PALM2AKAP2: variants seen among roughly 807,000 people sequenced by gnomAD.
PALM2AKAP2 encodes PALM2 and AKAP2 fusion, also known as PALM2-AKAP2 fusion protein.
A neutral mutation model predicts 71.5 loss-of-function variants in PALM2AKAP2; 37 were observed. The observed-to-expected ratio is 0.52, with a 90% CI of 0.40 to 0.68. The LOEUF (loss-of-function observed/expected upper bound fraction) is 0.68. PALM2AKAP2 is among the 30% of genes least tolerant of loss of function. The probability of loss-of-function intolerance (pLI) is 0.00; values close to 1 mark genes in which losing one functional copy is unlikely to be tolerated. For missense variants in PALM2AKAP2, 1,224 were observed against 1,191.8 expected (o/e 1.03, Z -0.40); for synonymous variants, 468 against 478.8 (o/e 0.98, Z 0.29).
chr9:110,021,544 G>C (rs10512401), intron 7 of PALM2AKAP2, among the ~76,000 whole-genome samples: 1 of 151,938 alleles, frequency 6.6e-6, no homozygotes, highest in African/African-American at 2.4e-5. Context: ...CCAATATTAC[G>C]AAGATCCACA....
chr9:109,921,728 C>G (rs1830834777), intron 3 of PALM2AKAP2, among the ~76,000 whole-genome samples: 1 of 152,074 alleles, frequency 6.6e-6, no homozygotes, highest in East Asian at 1.9e-4. Flanking sequence ...AAGAGTGGCT[C>G]TATTTGACTA....
chr9:109,990,973 T>C (rs1832470630), intron 6 of PALM2AKAP2, among the ~76,000 whole-genome samples: 1 of 152,162 alleles, frequency 6.6e-6, no homozygotes, highest in African/African-American at 2.4e-5. Context: ...CTTGGGCTAG[T>C]AGGGAAGTCC....
chr9:109,718,190 C>T (rs1329811005), intron 1 of PALM2AKAP2, among the ~76,000 whole-genome samples: 1 of 152,086 alleles, frequency 6.6e-6, no homozygotes, highest in Admixed American at 6.5e-5. Context: ...AAGTGATCCT[C>T]CCACCTCTGC....
exon 2 of PALM2AKAP2, chr9:110,136,806 C>T (rs1275660551): frequency 1.2e-6 from 2 of 1,613,974 alleles, no homozygotes; most frequent in African/African-American, 2.7e-5. Flanking sequence ...GACAAGAAGC[C>T]CTCCAAGCTC....
chr9:110,168,609 AAT>A, exon 4 of PALM2AKAP2: 2 of 1,272,038 alleles, frequency 1.6e-6, no homozygotes. Flanking sequence ...CAAACTCAGC[AAT>A]CCTTATGTAG....
chr9:110,089,296 C>T (rs1834651979), intron 1 of PALM2AKAP2, among the ~76,000 whole-genome samples: 5 of 152,104 alleles, frequency 3.3e-5, no homozygotes, highest in Admixed American at 3.3e-4. Context: ...CTAGTTATGT[C>T]TGATAGAATG....
At chr9:109,791,967 C>T (rs530369205) in intron 1 of PALM2AKAP2, among the ~76,000 whole-genome samples, 2 of 152,156 alleles carry the variant, frequency 1.3e-5, no homozygotes, top group African/African-American at 2.4e-5. Context: ...TCCCCCTCTA[C>T]CCCCAGCCTG....
At chr9:110,162,270 G>C in intron 3 of PALM2AKAP2, 138 bp downstream of exon 10, 1 of 1,336,588 alleles carries the variant, frequency 7.5e-7, no homozygotes, top group African/African-American at 1.4e-5. Context: ...TTTTGTGCCT[G>C]TTCTGAAATA....
At chr9:109,871,623 G>T (rs764557445) in intron 2 of PALM2AKAP2, among the ~76,000 whole-genome samples, 1 of 151,996 alleles carries the variant, frequency 6.6e-6, no homozygotes, top group Non-Finnish European at 1.5e-5. Context: ...TTTTTTCCCC[G>T]ATATATTTCT....
At chr9:110,100,916 A>G in intron 1 of PALM2AKAP2, among the ~76,000 whole-genome samples, 1 of 152,216 alleles carries the variant, frequency 6.6e-6, no homozygotes, top group East Asian at 1.9e-4. Flanking sequence ...GAGTGAGCCA[A>G]GGGTGGCTTC....
intron 1 of PALM2AKAP2, among the ~76,000 whole-genome samples, chr9:109,807,598 A>G (rs1039236993): frequency 6.6e-6 from 1 of 150,540 alleles, no homozygotes; most frequent in African/African-American, 2.4e-5. Context: ...CAATATTATG[A>G]GCATGTAATA....
intron 6 of PALM2AKAP2, among the ~76,000 whole-genome samples, chr9:109,979,320 C>G (rs537412848): frequency 2.6e-5 from 4 of 152,296 alleles, no homozygotes; most frequent in African/African-American, 9.6e-5. Context: ...AAGAGTCTAG[C>G]CATGAGGGTG....
intron 1 of PALM2AKAP2, among the ~76,000 whole-genome samples, chr9:109,649,379 T>A (rs570456517): frequency 3.9e-5 from 6 of 152,310 alleles, no homozygotes; most frequent in African/African-American, 1.4e-4. Context: ...TTTAAAAGTC[T>A]GTCATGTAGA....
chr9:110,151,102 C>T (rs1052676332), intron 2 of PALM2AKAP2, among the ~76,000 whole-genome samples: 6 of 152,160 alleles, frequency 3.9e-5, no homozygotes, highest in African/African-American at 1.4e-4. Context: ...CAGAAAAGTT[C>T]CCTGGAAGCT....
chr9:109,850,272 G>A (rs991924922), intron 1 of PALM2AKAP2, among the ~76,000 whole-genome samples: 5 of 152,078 alleles, frequency 3.3e-5, no homozygotes, highest in Admixed American at 6.5e-5. Flanking sequence ...TCATACCCAG[G>A]GATGAGCTTT....
At chr9:109,848,223 C>G (rs1828917219) in intron 1 of PALM2AKAP2, among the ~76,000 whole-genome samples, 1 of 152,170 alleles carries the variant, frequency 6.6e-6, no homozygotes, top group Non-Finnish European at 1.5e-5. Context: ...GACTTTTGTT[C>G]AACCCCTTTC....
At chr9:109,706,863 A>T (rs1828153133) in intron 1 of PALM2AKAP2, among the ~76,000 whole-genome samples, 1 of 152,226 alleles carries the variant, frequency 6.6e-6, no homozygotes, top group Non-Finnish European at 1.5e-5. Flanking sequence ...GTAAATCTAG[A>T]GAGGCAGAAG....
At chr9:109,900,770 C>CA (rs1830309462) in intron 3 of PALM2AKAP2, among the ~76,000 whole-genome samples, 1 of 152,112 alleles carries the variant, frequency 6.6e-6, no homozygotes, top group Admixed American at 6.5e-5. Flanking sequence ...TTCTATTGTA[C>CA]TTGAGTCCCA....
At chr9:109,660,089 C>T (rs1827367502) in intron 1 of PALM2AKAP2, among the ~76,000 whole-genome samples, 2 of 152,138 alleles carry the variant, frequency 1.3e-5, no homozygotes, top group South Asian at 2.1e-4. Context: ...CCATGTTGGC[C>T]TTCCAAAATG....
Sources: gnomAD v4.1 joint callset for allele counts (sites outside exome capture counted in the v4.1 genomes callset) on GRCh38, gnomAD v4.1.1 for gene constraint, MANE v1.5 for transcripts, NCBI Gene and HGNC (gene_info 2026-07-23, HGNC 2026-07-21) for gene names.